The following SEC61A2 variants were observed in gnomAD, a reference collection of about 807,000 sequenced individuals.
The protein encoded by SEC61A2 is protein transport protein Sec61 subunit alpha isoform 2.
SEC61A2 carries 28 observed loss-of-function variants against 59.9 expected under a neutral mutation model. The observed-to-expected ratio is 0.47, with a 90% CI of 0.35 to 0.64. The LOEUF (loss-of-function observed/expected upper bound fraction) is 0.64. Ranked by LOEUF, SEC61A2 falls within the 30% of genes least tolerant of loss-of-function variation. SEC61A2 has a pLI of 0.01. For missense variants in SEC61A2, 340 were observed against 585.9 expected, an observed-to-expected ratio of 0.58 and a Z score of 4.33; for synonymous variants, 202 against 214.4, an observed-to-expected ratio of 0.94 and a Z score of 0.50.
Position 12,164,530 on chromosome 10 carries a change from G to GA in SEC61A2, c.*76_*77insA. The stretch of plus-strand genomic sequence containing the variant: ...ATCGTTTTTGTCAGATGACACTGGT[G>GA]GCTCCCCTTTTCTCCCCTCACAGTT... On this transcript the variant is annotated 3_prime_UTR_variant, in exon 12 of 12. Transcript: ENST00000298428. This position sits in a 1 kb window ranked among gnomAD's most constrained non-coding sequence, Gnocchi z 7.3. The GA allele has an allele frequency of 6.5e-7, 1 of 1,538,850 alleles. No individual in the cohort carries two copies. The highest frequency in any genetic ancestry group is 8.7e-7 in the Non-Finnish European group (1 of 1,146,174).
intron 6 of SEC61A2, 129 bp downstream of exon 6, chr10:12,150,090 A>G: frequency 1.5e-6 from 1 of 654,574 alleles, no homozygotes; most frequent in Non-Finnish European, 2.5e-6. Context: ...TAGTATTTTG[A>G]TCACTGAAGT....
At chr10:12,146,051 G>A (rs1379569004) in intron 4 of SEC61A2, among the ~76,000 whole-genome samples, 1 of 151,924 alleles carries the variant, frequency 6.6e-6, no homozygotes, top group Non-Finnish European at 1.5e-5. Context: ...ACCAAATTTC[G>A]CTCTTGTTGC....
At position 12,153,676 on chromosome 10, in the gene SEC61A2, A is replaced by G. The variant is rs1021865189; in HGVS notation, c.463-2102A>G. 4 of 1,568,786 alleles carry G rather than the reference A, an allele frequency of 2.5e-6. No individual in the cohort carries two copies. The highest frequency in any genetic ancestry group is 2.6e-6 in the Non-Finnish European group (3 of 1,155,974). ...TATGGCTAATTCTTCTAATGTTAAT[A>G]TATAAAGAGGGGTGTCATGTTTGAT... On this transcript the variant is annotated intron_variant, in intron 6 of 11. Transcript: ENST00000298428. This position sits in a 1 kb window ranked among gnomAD's most constrained non-coding sequence, Gnocchi z 5.2.
intron 4 of SEC61A2, among the ~76,000 whole-genome samples, chr10:12,146,183 A>G (rs1170534734): frequency 6.6e-6 from 1 of 151,956 alleles, no homozygotes; most frequent in Non-Finnish European, 1.5e-5. Flanking sequence ...ACCATGCGCC[A>G]CTAATTTTTT....
rs1159668379 is a variant in SEC61A2, at chr10:12,161,202, C to G, written c.1167+81C>G. 9.0e-7 allele frequency: 1 copy of G among 1,105,132 alleles called. No homozygotes were observed. The highest frequency in any genetic ancestry group is 2.5e-5 in the East Asian group (1 of 39,290). 68.5% of individuals were successfully genotyped at this position (1,105,132 alleles called of 1,614,324 possible). On this transcript the variant is annotated intron_variant, in intron 10 of 11. Coordinates refer to ENST00000298428, the MANE Select transcript of SEC61A2 (RefSeq NM_018144.4). The surrounding 1 kb of genome is among the most constrained non-coding windows in gnomAD (Gnocchi z 5.4). ...TCTGTAATCGTAGCACTTTGGCAGG[C>G]TGAGGCCGCTGGATCGCTTCACCTC...
chr10:12,165,497 A>G (rs1282179200), downstream of SEC61A2: 3 of 351,808 alleles, frequency 8.5e-6, no homozygotes, highest in African/African-American at 2.2e-5. Flanking sequence ...TTACACTTCA[A>G]ACTTTAATCC....
chr10:12,132,900 A>C (rs1229600636), intron 1 of SEC61A2, among the ~76,000 whole-genome samples: 1 of 152,070 alleles, frequency 6.6e-6, no homozygotes, highest in African/African-American at 2.4e-5. Flanking sequence ...GATTGGATAC[A>C]AGTGTGAGGA....
At chr10:12,150,333 C>G (rs761597763) in intron 6 of SEC61A2, among the ~76,000 whole-genome samples, 1 of 152,228 alleles carries the variant, frequency 6.6e-6, no homozygotes, top group Non-Finnish European at 1.5e-5. Context: ...TGCCAGGAGG[C>G]AGTCATGGTG....
In SEC61A2 at chr10:12,145,850, C is replaced by T. The variant is rs1399225971; in HGVS notation, c.220+2655C>T. On this transcript the variant is annotated intron_variant, in intron 4 of 11. Transcript: ENST00000298428. This position sits in a 1 kb window ranked among gnomAD's most constrained non-coding sequence, Gnocchi z 4.4. ...AATCACTGACTAGCTTAAACAGAAA[C>T]ATGATACTTGCTGGAAGGATACTGG... Among the ~76,000 whole-genome samples, 1 of 152,102 alleles carries T rather than the reference C, an allele frequency of 6.6e-6. No homozygotes were observed. Among genetic ancestry groups the T allele is most frequent in the Non-Finnish European group, 1.5e-5 (1 of 68,030 alleles).
Position 12,153,833 on chromosome 10 carries a change from T to A in SEC61A2, c.463-1945T>A. 6.3e-7 allele frequency: 1 copy of A among 1,588,086 alleles called. No individual in the cohort carries two copies. The highest frequency in any genetic ancestry group is 8.6e-7 in the Non-Finnish European group (1 of 1,167,530). On this transcript the variant is annotated intron_variant, in intron 6 of 11. Coordinates refer to ENST00000298428, the MANE Select transcript of SEC61A2 (RefSeq NM_018144.4). This position sits in a 1 kb window ranked among gnomAD's most constrained non-coding sequence, Gnocchi z 5.2. ...ACATAGGTTTTGAAAACTGTTTGCA[T>A]GCCGTTGTGGAAGGTATTTCTCACC...
intron 2 of SEC61A2, among the ~76,000 whole-genome samples, chr10:12,134,209 G>A (rs183314713): frequency 1.3e-4 from 20 of 152,212 alleles, no homozygotes; most frequent in Admixed American, 2.0e-4. Context: ...GGGTTTCACC[G>A]TGTTAGCCAG....
At chr10:12,147,342 C>A (rs193119365) in intron 4 of SEC61A2, among the ~76,000 whole-genome samples, 1 of 152,116 alleles carries the variant, frequency 6.6e-6, no homozygotes, top group South Asian at 2.1e-4. Flanking sequence ...AGCTACTCAC[C>A]CATATTTCCT....
intron 8 of SEC61A2, 67 bp from the exon 9 acceptor site, chr10:12,157,841 C>T (rs1202621532): frequency 1.4e-6 from 2 of 1,454,912 alleles, no homozygotes; most frequent in African/African-American, 1.4e-5. Context: ...TTTGTTTTCC[C>T]TCTCTGGTCT....
rs888036179 is a variant in SEC61A2 at position 12,162,899 on chromosome 10, G to C, written c.1244+610G>C. 2.6e-5 allele frequency among the ~76,000 whole-genome samples: 4 copies of C among 152,086 alleles called. No individual in the cohort carries two copies. Among genetic ancestry groups the C allele is most frequent in the Admixed American group, 6.6e-5 (1 of 15,266 alleles). On this transcript the variant is annotated intron_variant, in intron 11 of 11. Transcript: ENST00000298428. This position sits in a 1 kb window ranked among gnomAD's most constrained non-coding sequence, Gnocchi z 6.1. ...GGAATCATATAATGTATGTTATTTT[G>C]TAAGTGGCTTCTTTCACTTGGCATC...
At position 12,129,932 on chromosome 10, in the gene SEC61A2, C is replaced by A; in HGVS notation, c.7+138C>A. 1 of 785,480 alleles carries A rather than the reference C, an allele frequency of 1.3e-6. No homozygotes were observed. Among genetic ancestry groups the A allele is most frequent in the South Asian group, 3.5e-5 (1 of 28,974 alleles). The allele number at this position is 785,480 out of a possible 1,614,324, so 48.7% of individuals were successfully genotyped here. On this transcript the variant is annotated intron_variant, in intron 1 of 11. Coordinates refer to ENST00000298428, the MANE Select transcript of SEC61A2 (RefSeq NM_018144.4). The surrounding 1 kb of genome is among the most constrained non-coding windows in gnomAD (Gnocchi z 5.6). ...CCGCTCCGGGCCTCAGCGGAGGGCA[C>A]GGGCCGGGGGCCTCCGCCGAGGCTC...
rs1303259338 is a variant in SEC61A2 at position 12,158,075 on chromosome 10, CTT to C, written c.949_950del (p.Leu317SerfsTer32). On this transcript the variant is annotated frameshift_variant, in exon 9 of 12. Coordinates refer to ENST00000298428, the MANE Select transcript of SEC61A2 (RefSeq NM_018144.4). LOFTEE classifies it high-confidence loss of function. This position sits in a 1 kb window ranked among gnomAD's most constrained non-coding sequence, Gnocchi z 5.7. ...TGCTGTCTGTTCGATTTAGTGGCAA[CTT>C]TTTAGTAAATTTACTAGGACAGTGG... ...QMLSVRFSGN[F>X]LVNLLGQWAD... The C allele has an allele frequency of 6.2e-7, 1 of 1,613,954 alleles. No homozygotes were observed. The highest frequency in any genetic ancestry group is 1.7e-5 in the Admixed American group (1 of 60,018).
intron 1 of SEC61A2, 41 bp from the exon 2 acceptor site, chr10:12,133,200 C>A (rs1177959413): frequency 3.0e-6 from 3 of 1,010,814 alleles, no homozygotes; most frequent in Non-Finnish European, 3.0e-6. Context: ...CTTTTTTTAA[C>A]TTCATAATAA....
In SEC61A2 at chr10:12,164,045, G is replaced by T. The variant is rs963478792; in HGVS notation, c.1245-223G>T. ...AGATTACATATTGTCTTTCTTGGCT[G>T]TTGACTGGTTCCTGGAAATTAGGGT... On this transcript the variant is annotated intron_variant, in intron 11 of 11. Coordinates refer to ENST00000298428, the MANE Select transcript of SEC61A2 (RefSeq NM_018144.4). The surrounding 1 kb of genome is among the most constrained non-coding windows in gnomAD (Gnocchi z 7.3). Among the ~76,000 whole-genome samples the T allele has an allele frequency of 6.6e-6, 1 of 152,230 alleles. No individual in the cohort carries two copies. Among genetic ancestry groups the T allele is most frequent in the African/African-American group, 2.4e-5 (1 of 41,458 alleles).
intron 2 of SEC61A2, among the ~76,000 whole-genome samples, chr10:12,134,743 C>G (rs1833845582): frequency 6.6e-6 from 1 of 151,604 alleles, no homozygotes; most frequent in African/African-American, 2.4e-5. Context: ...TGGTGAAGCC[C>G]CGACTCTACT....
Sources: allele counts gnomAD v4.1 joint callset (sites outside exome capture counted in the v4.1 genomes callset), GRCh38; gene constraint gnomAD v4.1.1; non-coding constraint Gnocchi (gnomAD v3.1); transcripts MANE v1.5; gene names NCBI Gene and HGNC (gene_info 2026-07-23, HGNC 2026-07-21).